FRMPD4: variants seen among roughly 807,000 people sequenced by gnomAD.
The protein encoded by FRMPD4 is FERM and PDZ domain-containing protein 4.
A neutral mutation model predicts 94.1 loss-of-function variants in FRMPD4; 22 were observed. The observed-to-expected ratio is 0.23, with a 90% CI of 0.17 to 0.33. The LOEUF is 0.33. Among genes scored for constraint, FRMPD4 ranks in the 10% least tolerant of loss-of-function variants. The pLI is 1.00. For missense variants in FRMPD4, 1,111 were observed against 1,339.9 expected, an observed-to-expected ratio of 0.83 and a Z score of 2.67; for synonymous variants, 631 against 548.6, an observed-to-expected ratio of 1.15 and a Z score of -2.10.
At chrX:12,369,778 G>A (rs1477802256) in intron 1 of FRMPD4, among the ~76,000 whole-genome samples, 2 of 112,102 alleles carry the variant, frequency 1.8e-5, no homozygotes, top group Non-Finnish European at 3.8e-5. Flanking sequence ...TGATGTGAGT[G>A]TGACTAGAGA....
At chrX:12,585,226 A>ATTT (rs60514161) in intron 2 of FRMPD4, among the ~76,000 whole-genome samples, 5,200 of 103,994 alleles carry the variant, frequency 0.05, 327 homozygotes, top group African/African-American at 0.17. Context: ...CAAATAATCA[A>ATTT]TTTTTTTTTT....
At chrX:12,332,670 G>T (rs1052012424) in intron 1 of FRMPD4, among the ~76,000 whole-genome samples, 1 of 111,464 alleles carries the variant, frequency 9.0e-6, no homozygotes, top group Non-Finnish European at 1.9e-5. Context: ...TAAAACTTAT[G>T]ATCTTTGGTT....
chrX:12,719,486 G>A (rs1488716725), intron 16 of FRMPD4, among the ~76,000 whole-genome samples: 1 of 112,358 alleles, frequency 8.9e-6, no homozygotes, highest in Non-Finnish European at 1.9e-5. Flanking sequence ...GATCCACTTG[G>A]CTGGCCATCA....
At chrX:12,668,050 C>G (rs2059797719) in intron 4 of FRMPD4, among the ~76,000 whole-genome samples, 1 of 112,087 alleles carries the variant, frequency 8.9e-6, no homozygotes, top group African/African-American at 3.2e-5. Context: ...TCTTAATGGT[C>G]TCTAGCTGTT....
intron 1 of FRMPD4, among the ~76,000 whole-genome samples, chrX:12,475,269 G>C (rs1292073243): frequency 8.9e-6 from 1 of 111,845 alleles, no homozygotes; most frequent in Non-Finnish European, 1.9e-5. Flanking sequence ...ACAGCCCTTC[G>C]TGCTAAAAAC....
At chrX:12,445,410 G>A (rs767891335) in intron 1 of FRMPD4, among the ~76,000 whole-genome samples, 2 of 112,184 alleles carry the variant, frequency 1.8e-5, no homozygotes, top group African/African-American at 6.5e-5. Flanking sequence ...AATTGTGGAA[G>A]AACTCCACCT....
At chrX:11,869,382 T>A (rs1365313333) in intron 2 of FRMPD4, among the ~76,000 whole-genome samples, 1 of 111,874 alleles carries the variant, frequency 8.9e-6, no homozygotes, top group East Asian at 2.8e-4. Context: ...ATAAATGGGT[T>A]CACTTACAAT....
In FRMPD4 at chrX:12,585,610, G is replaced by A. The variant is rs557836662; in HGVS notation, c.159-24111G>A. Reference sequence around the variant, plus strand: ...CAGACTCTTATGAAAAATAACCCTCGCTTCTACTTCTGTATACCTTACTTA... The same window carrying A: ...CAGACTCTTATGAAAAATAACCCTCACTTCTACTTCTGTATACCTTACTTA... On this transcript the variant is annotated intron_variant, in intron 2 of 16. Coordinates refer to ENST00000675598, the MANE Select transcript of FRMPD4 (RefSeq NM_001368397.1). Among the ~76,000 whole-genome samples, 6 of 111,607 alleles carry A rather than the reference G, an allele frequency of 5.4e-5. No individual in the cohort carries two copies. The South Asian group carries it at 1.9e-3, about 35-fold the overall frequency.
chrX:12,242,801 G>GT (rs1430081913), intron 1 of FRMPD4, among the ~76,000 whole-genome samples: 2 of 112,493 alleles, frequency 1.8e-5, no homozygotes, highest in African/African-American at 6.5e-5. Flanking sequence ...CAGTACCACA[G>GT]TCATAGTTCA....
chrX:12,660,728 T>C (rs1020470765), intron 4 of FRMPD4, among the ~76,000 whole-genome samples: 2 of 112,448 alleles, frequency 1.8e-5, no homozygotes, highest in Admixed American at 9.5e-5. Context: ...ATATAAATAA[T>C]TGGTTATCTC....
chrX:12,457,935 G>A (rs2057351053), intron 1 of FRMPD4, among the ~76,000 whole-genome samples: 1 of 111,646 alleles, frequency 9.0e-6, no homozygotes, highest in African/African-American at 3.3e-5. Context: ...GTTGGTTCCT[G>A]GCTAATGCAT....
chrX:12,652,562 T>A (rs2059606221), intron 4 of FRMPD4, among the ~76,000 whole-genome samples: 1 of 111,892 alleles, frequency 8.9e-6, no homozygotes, highest in African/African-American at 3.2e-5. Context: ...ACCTCTAATC[T>A]ACTTTCTGAC....
intron 1 of FRMPD4, among the ~76,000 whole-genome samples, chrX:12,457,434 T>A (rs1044046177): frequency 1.8e-5 from 2 of 111,835 alleles, no homozygotes; most frequent in Admixed American, 1.9e-4. Context: ...AAATCCTACG[T>A]TGCATTTATT....
At chrX:12,313,956 A>G (rs984551683) in intron 1 of FRMPD4, among the ~76,000 whole-genome samples, 4 of 112,373 alleles carry the variant, frequency 3.6e-5, no homozygotes, top group African/African-American at 1.3e-4. Context: ...TAAATTTGTT[A>G]AGCTAGAAAA....
At chrX:12,625,441 C>T (rs970623291) in intron 4 of FRMPD4, among the ~76,000 whole-genome samples, 3 of 111,378 alleles carry the variant, frequency 2.7e-5, no homozygotes, top group African/African-American at 6.5e-5. Flanking sequence ...TATATATACA[C>T]GGTAGAATAT....
intron 3 of FRMPD4, among the ~76,000 whole-genome samples, chrX:11,990,840 G>A (rs146738398): frequency 1.9e-3 from 211 of 111,826 alleles, no homozygotes; most frequent in Non-Finnish European, 3.6e-3. Flanking sequence ...TTACAGAGCC[G>A]CAAGCTACTG....
chrX:12,222,501 T>C (rs1181882057), intron 1 of FRMPD4, among the ~76,000 whole-genome samples: 4 of 112,119 alleles, frequency 3.6e-5, no homozygotes, highest in Non-Finnish European at 3.8e-5. Flanking sequence ...TTTTGAGATA[T>C]ATTGTTGCAT....
chrX:12,500,513 C>T (rs919757758), intron 2 of FRMPD4, among the ~76,000 whole-genome samples: 4 of 110,817 alleles, frequency 3.6e-5, no homozygotes, highest in African/African-American at 1.3e-4. Context: ...GGACTCCCAC[C>T]CCTTCAGAGC....
At position 12,640,342 on chromosome X, in the gene FRMPD4, G is replaced by C. The variant is rs745695042; in HGVS notation, c.422+25461G>C. Among the ~76,000 whole-genome samples the C allele has an allele frequency of 9.2e-4, 100 of 108,125 alleles. 1 individual carries two copies. The highest frequency in any genetic ancestry group is 3.3e-3 in the African/African-American group (98 of 29,766). 93.9% of individuals were successfully genotyped at this position (108,125 alleles called of 115,157 possible). On this transcript the variant is annotated intron_variant, in intron 4 of 16. Coordinates refer to ENST00000675598, the MANE Select transcript of FRMPD4 (RefSeq NM_001368397.1). ...AAAAAAGGTAGTAAGGAGAGAAGGG[G>C]GAAGGAGGAAGTAGTCGAAAGGCTT...
Sources: allele counts gnomAD v4.1 joint callset (sites outside exome capture counted in the v4.1 genomes callset), GRCh38; gene constraint gnomAD v4.1.1; transcripts MANE v1.5; gene names NCBI Gene and HGNC (gene_info 2026-07-23, HGNC 2026-07-21).